LRFN2: variants seen among roughly 807,000 people sequenced by gnomAD.
The protein encoded by LRFN2 is leucine rich repeat and fibronectin type III domain containing 2.
LRFN2 carries 18 observed loss-of-function variants against 37.3 expected under a neutral mutation model. The observed-to-expected ratio is 0.48, with a 90% CI of 0.33 to 0.72. LRFN2 has a LOEUF of 0.72. Among genes scored for constraint, LRFN2 ranks in the 30% least tolerant of loss-of-function variants. The probability of loss-of-function intolerance (pLI) is 0.02; values close to 1 mark genes in which losing one functional copy is unlikely to be tolerated. For missense variants in LRFN2, 1,006 were observed against 1,060.7 expected, an observed-to-expected ratio of 0.95 and a Z score of 0.72; for synonymous variants, 556 against 466.6, an observed-to-expected ratio of 1.19 and a Z score of -2.47.
chr6:40,435,005 A>G (rs1763608982), intron 1 of LRFN2, among the ~76,000 whole-genome samples: 1 of 118,598 alleles, frequency 8.4e-6, no homozygotes, highest in Non-Finnish European at 1.7e-5. Context: ...TTCTTGAGCA[A>G]TGGTTTTACA....
At position 40,566,076 on chromosome 6, in the gene LRFN2, A is replaced by C. The variant is rs1429958931; in HGVS notation, c.-19+20865T>G. Among the ~76,000 whole-genome samples, 5 of 152,386 alleles carry C rather than the reference A, an allele frequency of 3.3e-5. No individual in the cohort carries two copies. In the South Asian group the frequency reaches 6.2e-4, roughly 19 times the overall value. On this transcript the variant is annotated intron_variant, in intron 1 of 2. Transcript: ENST00000338305. ...AGCCCCATCAAAAAGTGGATGAAGGATATGAACAGACACTTCTCAAAAGAA... is the reference window on the plus strand; with the variant it reads ...AGCCCCATCAAAAAGTGGATGAAGGCTATGAACAGACACTTCTCAAAAGAA...
chr6:40,515,352 G>A (rs205518), intron 1 of LRFN2, among the ~76,000 whole-genome samples: 100,197 of 152,068 alleles, frequency 0.66, 33,646 homozygotes, highest in African/African-American at 0.78. Context: ...AGACCCAGGA[G>A]ACAAAATGAG....
At chr6:40,405,758 T>C (rs957520202) in intron 2 of LRFN2, among the ~76,000 whole-genome samples, 20 of 152,092 alleles carry the variant, frequency 1.3e-4, no homozygotes, top group African/African-American at 4.6e-4. Context: ...TCAGAGTTCA[T>C]GTGGAGGAAG....
chr6:40,577,886 G>A (rs1401260263), intron 1 of LRFN2, among the ~76,000 whole-genome samples: 2 of 151,746 alleles, frequency 1.3e-5, no homozygotes, highest in Non-Finnish European at 1.5e-5. Flanking sequence ...AGCAGCCTTG[G>A]GACAAAGGTG....
intron 1 of LRFN2, among the ~76,000 whole-genome samples, chr6:40,443,661 G>C (rs902077696): frequency 6.6e-6 from 1 of 152,162 alleles, no homozygotes; most frequent in African/African-American, 2.4e-5. Flanking sequence ...GGGGAGAAGG[G>C]GTGGAGACAC....
chr6:40,443,008 A>G (rs1383033014), intron 1 of LRFN2, among the ~76,000 whole-genome samples: 2 of 140,382 alleles, frequency 1.4e-5, no homozygotes, highest in Non-Finnish European at 3.2e-5. Context: ...GGATTCTAAT[A>G]ACCCCTCTTA....
chr6:40,433,764 C>T (rs1334159911), intron 1 of LRFN2, among the ~76,000 whole-genome samples: 1 of 152,146 alleles, frequency 6.6e-6, no homozygotes, highest in Non-Finnish European at 1.5e-5. Context: ...GGAGAATCCA[C>T]ATAGTTTATG....
At chr6:40,404,445 G>A (rs936902065) in intron 2 of LRFN2, among the ~76,000 whole-genome samples, 4 of 152,078 alleles carry the variant, frequency 2.6e-5, no homozygotes, top group African/African-American at 4.8e-5. Context: ...AGCTGCATGT[G>A]GTCATTCAAA....
chr6:40,557,506 G>A (rs143279434), intron 1 of LRFN2, among the ~76,000 whole-genome samples: 354 of 152,236 alleles, frequency 2.3e-3, no homozygotes, highest in African/African-American at 8.0e-3. Context: ...ATTGGGTTTG[G>A]GTCAGGGAGA....
chr6:40,555,301 C>A (rs1766850860), intron 1 of LRFN2, among the ~76,000 whole-genome samples: 1 of 152,178 alleles, frequency 6.6e-6, no homozygotes, highest in Non-Finnish European at 1.5e-5. Context: ...GGGGGATAGG[C>A]ACCAGCTGAG....
intron 1 of LRFN2, among the ~76,000 whole-genome samples, chr6:40,452,917 C>G (rs184345741): frequency 1.3e-5 from 2 of 152,308 alleles, no homozygotes; most frequent in East Asian, 3.9e-4. Flanking sequence ...AAGAGAAATT[C>G]CAGCATATCA....
intron 1 of LRFN2, among the ~76,000 whole-genome samples, chr6:40,478,049 C>T (rs1174013314): frequency 6.6e-6 from 1 of 152,186 alleles, no homozygotes; most frequent in African/African-American, 2.4e-5. Context: ...GTGGCAGCAT[C>T]AGGGCGGGAA....
chr6:40,510,233 G>T (rs900414778), intron 1 of LRFN2, among the ~76,000 whole-genome samples: 3 of 152,138 alleles, frequency 2.0e-5, no homozygotes, highest in African/African-American at 7.2e-5. Flanking sequence ...GTGCATGTGG[G>T]TATGCCAAGG....
At chr6:40,485,788 G>A (rs541498252) in intron 1 of LRFN2, among the ~76,000 whole-genome samples, 134 of 152,352 alleles carry the variant, frequency 8.8e-4, no homozygotes, top group Middle Eastern at 3.4e-3. Context: ...GACCAGCCAC[G>A]GGTCTTGATT....
rs776339442 is a variant in LRFN2, at chr6:40,398,779, G to C, written c.1401-5867C>G. 1.6e-4 allele frequency among the ~76,000 whole-genome samples: 24 copies of C among 151,874 alleles called. 1 individual carries two copies. Among genetic ancestry groups the C allele is most frequent in the Non-Finnish European group, 2.6e-4 (18 of 67,936 alleles). On this transcript the variant is annotated intron_variant, in intron 2 of 2. Transcript: ENST00000338305. The stretch of plus-strand genomic sequence containing the variant: ...AAAGAAACACAAAACAAGCCTAAGT[G>C]GCTGCCTCTGGATTGTTTTTCTTTT...
intron 2 of LRFN2, among the ~76,000 whole-genome samples, chr6:40,407,171 C>CCT (rs1192652526): frequency 6.6e-6 from 1 of 151,974 alleles, no homozygotes; most frequent in South Asian, 2.1e-4. Flanking sequence ...GTAAGGCCTG[C>CCT]CTCTCTCTCT....
intron 1 of LRFN2, among the ~76,000 whole-genome samples, chr6:40,575,811 C>G (rs1307267242): frequency 1.3e-5 from 2 of 152,110 alleles, no homozygotes; most frequent in African/African-American, 4.8e-5. Context: ...TTGAATCCAG[C>G]TAATCCAAAG....
At chr6:40,509,663 G>A (rs1046879385) in intron 1 of LRFN2, among the ~76,000 whole-genome samples, 13 of 150,168 alleles carry the variant, frequency 8.7e-5, no homozygotes, top group Non-Finnish European at 1.5e-4. Context: ...ACAGGACTGC[G>A]CAGGCAGTGG....
intron 1 of LRFN2, among the ~76,000 whole-genome samples, chr6:40,560,230 C>T (rs1000663152): frequency 1.4e-4 from 22 of 152,238 alleles, no homozygotes; most frequent in East Asian, 1.9e-4. Flanking sequence ...AAGCCACCAA[C>T]GCCTGCACCC....
Sources: gnomAD v4.1 joint callset for allele counts (sites outside exome capture counted in the v4.1 genomes callset) on GRCh38, gnomAD v4.1.1 for gene constraint, MANE v1.5 for transcripts, NCBI Gene and HGNC (gene_info 2026-07-23, HGNC 2026-07-21) for gene names.